ATRNL1: variants seen among roughly 807,000 people sequenced by gnomAD.
The protein encoded by ATRNL1 is attractin like 1.
Under a neutral mutation model 182.7 loss-of-function variants are expected in ATRNL1, and 95 were observed. The observed-to-expected ratio is 0.52, with a 90% CI of 0.44 to 0.62. The LOEUF (loss-of-function observed/expected upper bound fraction) is 0.62, where lower values mean the gene tolerates loss of function less well. Ranked by LOEUF, ATRNL1 falls within the 20% of genes least tolerant of loss-of-function variation. The probability of loss-of-function intolerance (pLI) is 0.00; values close to 1 mark genes in which losing one functional copy is unlikely to be tolerated. For missense variants in ATRNL1, 1,471 were observed against 1,679.5 expected (o/e 0.88, Z 2.17); for synonymous variants, 576 against 568.3 (o/e 1.01, Z -0.19).
At chr10:115,122,520 A>G (rs1296138806) in intron 3 of ATRNL1, among the ~76,000 whole-genome samples, 3 of 151,986 alleles carry the variant, frequency 2.0e-5, no homozygotes, top group Admixed American at 1.3e-4. Flanking sequence ...TACTTTTGCT[A>G]TTTATACAAT....
In ATRNL1 at chr10:115,621,309, A is replaced by T. The variant is rs959028445; in HGVS notation, c.3795+71773A>T. On this transcript the variant is annotated intron_variant, in intron 26 of 28. Coordinates refer to ENST00000355044, the MANE Select transcript of ATRNL1 (RefSeq NM_207303.4). ...GAGAGAGAGAGAGAGAGAGAGAGAG[A>T]GAGAGTGTGTGAGTGAGTCAGCATC... Among the ~76,000 whole-genome samples the T allele has an allele frequency of 2.2e-4, 26 of 119,374 alleles. 1 individual carries two copies. Among genetic ancestry groups the T allele is most frequent in the East Asian group, 1.6e-3 (7 of 4,318 alleles). The allele number at this position is 119,374 out of a possible 152,430, so 78.3% of individuals were successfully genotyped here. A position where few individuals can be genotyped will look rare whatever the true frequency, so the allele number is the denominator to read the frequency against.
At chr10:115,102,267 A>C (rs1277819118) in intron 1 of ATRNL1, among the ~76,000 whole-genome samples, 14 of 152,166 alleles carry the variant, frequency 9.2e-5, no homozygotes, top group African/African-American at 3.1e-4. Context: ...TGAAAAGACT[A>C]TCCTTTTTTC....
intron 19 of ATRNL1, among the ~76,000 whole-genome samples, chr10:115,359,234 A>G (rs782519663): frequency 6.6e-6 from 1 of 151,660 alleles, no homozygotes; most frequent in Non-Finnish European, 1.5e-5. Context: ...TTTTTGTCTC[A>G]TATGTTTTGT....
intron 8 of ATRNL1, among the ~76,000 whole-genome samples, chr10:115,202,908 G>A (rs1848643534): frequency 6.7e-6 from 1 of 149,930 alleles, no homozygotes; most frequent in Non-Finnish European, 1.5e-5. Flanking sequence ...CACAATTTCA[G>A]AGCCTGTTAT....
intron 16 of ATRNL1, 26 bp downstream of exon 16, chr10:115,300,273 C>T (rs1303888853): frequency 6.4e-7 from 1 of 1,571,794 alleles, no homozygotes; most frequent in Non-Finnish European, 8.7e-7. Flanking sequence ...AATTAGCATT[C>T]CTTTAAAAGT....
chr10:115,723,998 T>C (rs1441979181), intron 26 of ATRNL1, among the ~76,000 whole-genome samples: 3 of 152,204 alleles, frequency 2.0e-5, no homozygotes, highest in African/African-American at 7.2e-5. Flanking sequence ...AGTATGATTA[T>C]AATCTATTGT....
Position 115,330,035 on chromosome 10 carries a change from G to A in ATRNL1, c.3038-4247G>A, listed in dbSNP as rs1855127453. On this transcript the variant is annotated intron_variant, in intron 18 of 28. Transcript: ENST00000355044. ...TGATTTCTTGCTTTTTATTTTTAGTGTATATATTGTAGGCTTTTGTTTTTT... is the reference window on the plus strand; with the variant it reads ...TGATTTCTTGCTTTTTATTTTTAGTATATATATTGTAGGCTTTTGTTTTTT... 2.0e-5 allele frequency among the ~76,000 whole-genome samples: 3 copies of A among 151,922 alleles called. No homozygotes were observed. The South Asian group carries it at 6.2e-4, about 31-fold the overall frequency.
At chr10:115,817,428 T>C (rs1555088955) in intron 27 of ATRNL1, among the ~76,000 whole-genome samples, 1 of 152,108 alleles carries the variant, frequency 6.6e-6, no homozygotes, top group Non-Finnish European at 1.5e-5. Flanking sequence ...CAATATTTAT[T>C]AAGCACTAAG....
At chr10:115,748,148 T>A (rs1191491422) in intron 27 of ATRNL1, among the ~76,000 whole-genome samples, 1 of 151,978 alleles carries the variant, frequency 6.6e-6, no homozygotes, top group Non-Finnish European at 1.5e-5. Flanking sequence ...GTGAAGCCTG[T>A]AAGTCATGTA....
intron 25 of ATRNL1, among the ~76,000 whole-genome samples, chr10:115,526,094 T>C (rs1554986503): frequency 1.3e-5 from 2 of 152,130 alleles, no homozygotes; most frequent in African/African-American, 4.8e-5. Flanking sequence ...CATAACGAAA[T>C]GCTAGGTATT....
intron 8 of ATRNL1, among the ~76,000 whole-genome samples, chr10:115,171,861 T>G (rs1328171646): frequency 1.3e-5 from 2 of 152,058 alleles, no homozygotes; most frequent in Non-Finnish European, 1.5e-5. Context: ...GTACTTCATT[T>G]TTTTGAATTA....
intron 27 of ATRNL1, among the ~76,000 whole-genome samples, chr10:115,765,157 A>T (rs1555074724): frequency 6.6e-6 from 1 of 152,170 alleles, no homozygotes; most frequent in East Asian, 1.9e-4. Flanking sequence ...TTTTGTATGG[A>T]TATAAGTTTT....
At chr10:115,124,750 G>T (rs1844890921) in intron 3 of ATRNL1, among the ~76,000 whole-genome samples, 1 of 151,996 alleles carries the variant, frequency 6.6e-6, no homozygotes, top group South Asian at 2.1e-4. Context: ...AATTTTCAGG[G>T]CTCACCATGA....
chr10:115,397,289 A>T (rs557748826), intron 20 of ATRNL1, among the ~76,000 whole-genome samples: 11 of 151,916 alleles, frequency 7.2e-5, no homozygotes, highest in Non-Finnish European at 1.6e-4. Flanking sequence ...CAGTATACCA[A>T]TTTCTTACAT....
chr10:115,556,348 A>T (rs1853314273), intron 26 of ATRNL1, among the ~76,000 whole-genome samples: 1 of 152,270 alleles, frequency 6.6e-6, no homozygotes, highest in African/African-American at 2.4e-5. Context: ...AGCAAAATAA[A>T]TTGGGTAAAG....
intron 26 of ATRNL1, among the ~76,000 whole-genome samples, chr10:115,581,720 T>C (rs1855096009): frequency 1.3e-5 from 2 of 151,004 alleles, no homozygotes; most frequent in South Asian, 4.2e-4. Flanking sequence ...GTTCGGAAGA[T>C]ATGTAAAGAA....
intron 10 of ATRNL1, among the ~76,000 whole-genome samples, chr10:115,251,573 G>A (rs782643815): frequency 2.0e-5 from 3 of 152,070 alleles, no homozygotes; most frequent in Non-Finnish European, 4.4e-5. Context: ...GAAATTCTTA[G>A]TGATGCTAGT....
intron 28 of ATRNL1, among the ~76,000 whole-genome samples, chr10:115,944,116 G>A (rs145905022): frequency 6.6e-6 from 1 of 151,858 alleles, no homozygotes; most frequent in Non-Finnish European, 1.5e-5. Flanking sequence ...TGGATACCCT[G>A]CATTATGCAT....
intron 27 of ATRNL1, among the ~76,000 whole-genome samples, chr10:115,765,612 C>G (rs1209503077): frequency 2.6e-5 from 4 of 152,152 alleles, no homozygotes; most frequent in African/African-American, 9.7e-5. Flanking sequence ...CTTACATTGT[C>G]TTTCACAGAG....
Sources: gnomAD v4.1 joint callset for allele counts (sites outside exome capture counted in the v4.1 genomes callset) on GRCh38, gnomAD v4.1.1 for gene constraint, MANE v1.5 for transcripts, NCBI Gene and HGNC (gene_info 2026-07-23, HGNC 2026-07-21) for gene names.